PCDH9: variants seen among roughly 807,000 people sequenced by gnomAD.
The protein encoded by PCDH9 is protocadherin 9.
In PCDH9, 24 loss-of-function variants were observed where a neutral mutation model predicts 70.6. The observed-to-expected ratio is 0.34, with a 90% CI of 0.25 to 0.48. The LOEUF (loss-of-function observed/expected upper bound fraction) is 0.48. Ranked by LOEUF, PCDH9 falls within the 20% of genes least tolerant of loss-of-function variation. The pLI, the probability that PCDH9 is intolerant of heterozygous loss-of-function variation, is 0.99. For missense variants in PCDH9, 1,281 were observed against 1,503.6 expected, an observed-to-expected ratio of 0.85 and a Z score of 2.45; for synonymous variants, 562 against 558.5, an observed-to-expected ratio of 1.01 and a Z score of -0.09.
chr13:67,056,419 C>T (rs1207082569), intron 2 of PCDH9, among the ~76,000 whole-genome samples: 1 of 152,102 alleles, frequency 6.6e-6, no homozygotes, highest in Non-Finnish European at 1.5e-5. Flanking sequence ...TCAATTATTA[C>T]TTATATTCCC....
At chr13:66,623,069 G>A (rs186787762) in intron 4 of PCDH9, among the ~76,000 whole-genome samples, 5 of 152,272 alleles carry the variant, frequency 3.3e-5, no homozygotes, top group Admixed American at 3.3e-4. Context: ...AAGAAACTCC[G>A]AACACATCCG....
At chr13:67,041,526 TACC>T (rs1405985388) in intron 2 of PCDH9, among the ~76,000 whole-genome samples, 3 of 152,108 alleles carry the variant, frequency 2.0e-5, no homozygotes, top group African/African-American at 7.2e-5. Context: ...ATGAAACAGG[TACC>T]CTAAGACTGT....
At chr13:66,839,701 G>A (rs753083286) in intron 3 of PCDH9, among the ~76,000 whole-genome samples, 6 of 152,030 alleles carry the variant, frequency 3.9e-5, no homozygotes, top group African/African-American at 1.2e-4. Flanking sequence ...TCCTCTGCCC[G>A]AGTTAGCTAA....
At chr13:66,831,802 T>C (rs148268906) in intron 3 of PCDH9, among the ~76,000 whole-genome samples, 91 of 152,196 alleles carry the variant, frequency 6.0e-4, no homozygotes, top group African/African-American at 2.0e-3. Context: ...GTGGGGAGCA[T>C]TTAAGTATGG....
intron 4 of PCDH9, among the ~76,000 whole-genome samples, chr13:66,337,545 C>A (rs1956056729): frequency 6.6e-6 from 1 of 151,914 alleles, no homozygotes. Context: ...TTCTGTATTT[C>A]CAGTATTTCC....
At chr13:66,423,808 G>T (rs1957616440) in intron 4 of PCDH9, among the ~76,000 whole-genome samples, 1 of 152,106 alleles carries the variant, frequency 6.6e-6, no homozygotes, top group Non-Finnish European at 1.5e-5. Context: ...ATTCAACATA[G>T]CATTGGAAGT....
chr13:67,107,498 C>T lies in PCDH9; in HGVS notation c.3036+117907G>A, dbSNP rs559723458. Among the ~76,000 whole-genome samples the T allele has an allele frequency of 4.1e-4, 62 of 152,282 alleles. No homozygotes were observed. The South Asian group carries it at 4.8e-3, about 12-fold the overall frequency. On this transcript the variant is annotated intron_variant, in intron 2 of 4. Transcript: ENST00000377865. ...CCTCCTCTCCACTGAGGGCTATGGA[C>T]GTCAGAACGATCTGCCTGCAGAAAG... is the stretch of plus-strand genomic sequence containing the variant.
intron 2 of PCDH9, among the ~76,000 whole-genome samples, chr13:66,969,710 A>C (rs894518776): frequency 1.3e-5 from 2 of 152,050 alleles, no homozygotes; most frequent in Non-Finnish European, 2.9e-5. Context: ...AGCATCTAAA[A>C]TGGGATTTTT....
At chr13:67,041,480 C>A (rs2085112251) in intron 2 of PCDH9, among the ~76,000 whole-genome samples, 2 of 152,092 alleles carry the variant, frequency 1.3e-5, no homozygotes, top group Non-Finnish European at 2.9e-5. Context: ...AAAAATTTTA[C>A]TAACTTTTCC....
At chr13:67,112,504 G>T (rs1388353576) in intron 2 of PCDH9, among the ~76,000 whole-genome samples, 1 of 151,980 alleles carries the variant, frequency 6.6e-6, no homozygotes, top group Non-Finnish European at 1.5e-5. Flanking sequence ...CATTTGCACT[G>T]GGTCTTCTGT....
At position 67,228,537 on chromosome 13, in the gene PCDH9, A is replaced by T. The variant is rs1007327075; in HGVS notation, c.-97T>A. On this transcript the variant is annotated 5_prime_UTR_variant, in exon 2 of 5. Transcript: ENST00000377865. ...GCAAGAGGAAGCGTGCATGGACTGG[A>T]GGATGCATTATATCTCATCACTTAT... 2.4e-5 allele frequency: 23 copies of T among 945,790 alleles called. No homozygotes were observed. The highest frequency in any genetic ancestry group is 4.4e-4 in the Middle Eastern group (2 of 4,532). The allele number at this position is 945,790 out of a possible 1,614,324, so 58.6% of individuals were successfully genotyped here.
chr13:66,711,320 T>C (rs1386226458), intron 3 of PCDH9, among the ~76,000 whole-genome samples: 13 of 151,984 alleles, frequency 8.6e-5, no homozygotes, highest in Admixed American at 8.5e-4. Flanking sequence ...TTCAGATCTA[T>C]GTTTGGTTCC....
intron 3 of PCDH9, among the ~76,000 whole-genome samples, chr13:66,774,868 A>G (rs2079865527): frequency 6.6e-6 from 1 of 152,148 alleles, no homozygotes; most frequent in Non-Finnish European, 1.5e-5. Flanking sequence ...ATTAATATCT[A>G]TTCAAGTTTT....
chr13:66,947,066 G>A (rs984203142), intron 2 of PCDH9, among the ~76,000 whole-genome samples: 1 of 152,156 alleles, frequency 6.6e-6, no homozygotes, highest in Non-Finnish European at 1.5e-5. Flanking sequence ...AGATTCAGGT[G>A]TGTTCAATTA....
chr13:66,519,338 T>A (rs1001110615), intron 4 of PCDH9, among the ~76,000 whole-genome samples: 1 of 152,130 alleles, frequency 6.6e-6, no homozygotes. Flanking sequence ...TATATATATA[T>A]CAAGTTAAAT....
intron 3 of PCDH9, among the ~76,000 whole-genome samples, chr13:66,700,653 G>T (rs1204477108): frequency 1.3e-5 from 2 of 151,842 alleles, no homozygotes; most frequent in African/African-American, 4.8e-5. Context: ...AAACAAATTA[G>T]GTGTTCTTTA....
intron 4 of PCDH9, among the ~76,000 whole-genome samples, chr13:66,491,227 T>C (rs752564263): frequency 6.6e-6 from 1 of 152,172 alleles, no homozygotes; most frequent in Non-Finnish European, 1.5e-5. Context: ...AGTTGTTCTT[T>C]TTTAAACAGT....
intron 2 of PCDH9, among the ~76,000 whole-genome samples, chr13:66,938,359 A>G (rs905429149): frequency 6.6e-6 from 1 of 152,268 alleles, no homozygotes; most frequent in African/African-American, 2.4e-5. Flanking sequence ...AAAGAGCCAC[A>G]GAATTAGACC....
At chr13:67,055,588 G>A (rs2085402569) in intron 2 of PCDH9, among the ~76,000 whole-genome samples, 1 of 151,872 alleles carries the variant, frequency 6.6e-6, no homozygotes, top group Non-Finnish European at 1.5e-5. Context: ...GAAGCAGAAG[G>A]ATCAGTTGAG....
Sources: allele counts gnomAD v4.1 joint callset (sites outside exome capture counted in the v4.1 genomes callset), GRCh38; gene constraint gnomAD v4.1.1; transcripts MANE v1.5; gene names NCBI Gene and HGNC (gene_info 2026-07-23, HGNC 2026-07-21).